SYNE1: variants seen among roughly 807,000 people sequenced by gnomAD.
SYNE1 encodes the protein spectrin repeat containing nuclear envelope protein 1.
A neutral mutation model predicts 1,111.0 loss-of-function variants in SYNE1; 616 were observed. That is an observed-to-expected ratio of 0.55 (90% CI 0.52 to 0.59). The LOEUF (loss-of-function observed/expected upper bound fraction) is 0.59, where lower values mean the gene tolerates loss of function less well. Among genes scored for constraint, SYNE1 ranks in the 20% least tolerant of loss-of-function variants. The probability of loss-of-function intolerance (pLI) is 0.00; values close to 1 mark genes in which losing one functional copy is unlikely to be tolerated. For missense variants in SYNE1, 10,006 were observed against 10,417.0 expected (o/e 0.96, Z 1.72); for synonymous variants, 3,855 against 3,825.8 (o/e 1.01, Z -0.28).
chr6:152,215,389 C>T (rs1253211707), intron 121 of SYNE1, among the ~76,000 whole-genome samples: 3 of 151,848 alleles, frequency 2.0e-5, no homozygotes, highest in South Asian at 2.1e-4. Flanking sequence ...TTTATTTACA[C>T]GTATTATATT....
At chr6:152,271,967 A>G (rs6904757) in intron 98 of SYNE1, among the ~76,000 whole-genome samples, 63,755 of 152,066 alleles carry the variant, frequency 0.42, 13,732 homozygotes, top group East Asian at 0.63. Context: ...GCTCTTCTAC[A>G]CCAGTTACTA....
intron 8 of SYNE1, among the ~76,000 whole-genome samples, chr6:152,507,435 T>C (rs2099063482): frequency 6.6e-6 from 1 of 152,186 alleles, no homozygotes; most frequent in South Asian, 2.1e-4. Flanking sequence ...TTTTATTTCT[T>C]CTATATTTGT....
intron 16 of SYNE1, among the ~76,000 whole-genome samples, chr6:152,471,026 C>T (rs1173603537): frequency 6.6e-6 from 1 of 152,012 alleles, no homozygotes; most frequent in East Asian, 1.9e-4. Context: ...ATATTGATAG[C>T]CCAAAATGTG....
chr6:152,555,214 A>C (rs566033280), intron 3 of SYNE1, among the ~76,000 whole-genome samples: 38 of 152,340 alleles, frequency 2.5e-4, no homozygotes, highest in Admixed American at 2.2e-3. Context: ...AAATTGGAAA[A>C]GATATTCTGT....
intron 83 of SYNE1, 112 bp from the exon 84 acceptor site, chr6:152,321,502 T>C: frequency 4.4e-6 from 6 of 1,365,576 alleles, no homozygotes; most frequent in Non-Finnish European, 6.0e-6. Flanking sequence ...TAGAAAAATA[T>C]CTTAATACAA....
intron 106 of SYNE1, among the ~76,000 whole-genome samples, chr6:152,242,846 C>G (rs2086074862): frequency 1.3e-5 from 2 of 151,862 alleles, no homozygotes. Context: ...TATGAAGTCA[C>G]TGAAAGGATA....
chr6:152,284,457 A>T (rs1286238826), intron 95 of SYNE1, among the ~76,000 whole-genome samples: 1 of 151,804 alleles, frequency 6.6e-6, no homozygotes, highest in African/African-American at 2.4e-5. Context: ...CTGTAATACC[A>T]ACTTATTTTT....
rs149456834 is a variant in SYNE1 at position 152,264,935 on chromosome 6, C to T, written c.18816-2747G>A. Among the ~76,000 whole-genome samples the T allele has an allele frequency of 1.8e-4, 28 of 152,086 alleles. 1 individual carries two copies. In the East Asian group the frequency reaches 5.0e-3, roughly 27 times the overall value. On this transcript the variant is annotated intron_variant, in intron 100 of 145. Coordinates refer to ENST00000367255, the MANE Select transcript of SYNE1 (RefSeq NM_182961.4). ...TAAAAGCAGCAATCTTAGGGCTGGG[C>T]GTGGTGGCTCACACCTGTAAACACA...
intron 128 of SYNE1, chr6:152,185,311 C>T (rs1273009444): frequency 6.6e-6 from 1 of 152,382 alleles, no homozygotes; most frequent in Non-Finnish European, 1.5e-5. Context: ...GTCCCAGGTA[C>T]TCCAGACTCC....
intron 137 of SYNE1, chr6:152,146,324 T>C (rs955221960): frequency 3.9e-5 from 6 of 152,200 alleles, no homozygotes; most frequent in African/African-American, 1.2e-4. Flanking sequence ...ACATTAGAAA[T>C]GTAAAAAGAA....
At chr6:152,604,715 G>A (rs952465559) in intron 3 of SYNE1, among the ~76,000 whole-genome samples, 10 of 151,514 alleles carry the variant, frequency 6.6e-5, no homozygotes, top group African/African-American at 1.9e-4. Context: ...CAAGGCAGGC[G>A]GATCACTTGA....
chr6:152,314,173 T>C (rs2095639112), intron 87 of SYNE1, among the ~76,000 whole-genome samples: 2 of 152,242 alleles, frequency 1.3e-5, no homozygotes, highest in Non-Finnish European at 2.9e-5. Flanking sequence ...TTTCTGAAAA[T>C]ACAAGTCTGA....
At chr6:152,630,797 A>G (rs1001239517) in intron 2 of SYNE1, among the ~76,000 whole-genome samples, 12 of 152,216 alleles carry the variant, frequency 7.9e-5, no homozygotes, top group African/African-American at 2.9e-4. Flanking sequence ...ATGGAATTAA[A>G]AGGGATTTCA....
At chr6:152,435,450 A>G (rs1347204508) in intron 33 of SYNE1, 1 of 153,158 alleles carries the variant, frequency 6.5e-6, no homozygotes, top group Non-Finnish European at 1.5e-5. Flanking sequence ...TTCTGGAAAG[A>G]GCATATTAGT....
At chr6:152,265,936 A>C (rs988742973) in intron 100 of SYNE1, among the ~76,000 whole-genome samples, 1 of 152,144 alleles carries the variant, frequency 6.6e-6, no homozygotes, top group Admixed American at 6.6e-5. Context: ...GCTGAATATC[A>C]GGCTTTTTCC....
At chr6:152,155,513 G>A (rs2635475) in intron 132 of SYNE1, 137,992 of 322,840 alleles carry the variant, frequency 0.43, 32,366 homozygotes, top group South Asian at 0.54. Context: ...CAGCCATGAT[G>A]ATCACTTTGT....
At chr6:152,258,347 T>C (rs2091329967) in intron 101 of SYNE1, among the ~76,000 whole-genome samples, 1 of 152,212 alleles carries the variant, frequency 6.6e-6, no homozygotes, top group African/African-American at 2.4e-5. Context: ...TTAAATTGAT[T>C]TACAGAATAT....
chr6:152,492,559 G>C (rs1166847005), intron 11 of SYNE1, among the ~76,000 whole-genome samples: 1 of 152,196 alleles, frequency 6.6e-6, no homozygotes, highest in East Asian at 1.9e-4. Flanking sequence ...TGTCCCACTT[G>C]TGCAGGAACC....
chr6:152,462,256 A>C (rs181026135), intron 20 of SYNE1, among the ~76,000 whole-genome samples: 85 of 152,210 alleles, frequency 5.6e-4, no homozygotes, highest in African/African-American at 1.9e-3. Flanking sequence ...GTTTACACCC[A>C]TTTTAAAATT....
Sources: allele counts gnomAD v4.1 joint callset (sites outside exome capture counted in the v4.1 genomes callset), GRCh38; gene constraint gnomAD v4.1.1; transcripts MANE v1.5; gene names NCBI Gene and HGNC (gene_info 2026-07-23, HGNC 2026-07-21).